SVOP: variants seen among roughly 807,000 people sequenced by gnomAD.
The protein encoded by SVOP is SV2 related protein.
Under a neutral mutation model 69.1 loss-of-function variants are expected in SVOP, and 17 were observed. The observed-to-expected ratio is 0.25, with a 90% CI of 0.17 to 0.37. The LOEUF (loss-of-function observed/expected upper bound fraction) is 0.37, where lower values mean the gene tolerates loss of function less well. Ranked by LOEUF, SVOP falls within the 10% of genes least tolerant of loss-of-function variation. SVOP has a pLI of 1.00. For synonymous variants in SVOP, 238 were observed against 238.6 expected, an observed-to-expected ratio of 1.00 and a Z score of 0.02; for missense variants, 435 against 597.5, an observed-to-expected ratio of 0.73 and a Z score of 2.84.
At chr12:108,926,165 C>T (rs938508927) in intron 11 of SVOP, among the ~76,000 whole-genome samples, 1 of 152,182 alleles carries the variant, frequency 6.6e-6, no homozygotes, top group African/African-American at 2.4e-5. Flanking sequence ...AAGCAATCCT[C>T]CCTCCTCGCC....
intron 1 of SVOP, among the ~76,000 whole-genome samples, chr12:108,995,481 G>T (rs1222408278): frequency 6.6e-6 from 1 of 152,166 alleles, no homozygotes; most frequent in African/African-American, 2.4e-5. Flanking sequence ...GCAGGATAGT[G>T]GTTACCAGGG....
At chr12:108,946,932 C>T (rs1455099702) in intron 6 of SVOP, among the ~76,000 whole-genome samples, 1 of 151,890 alleles carries the variant, frequency 6.6e-6, no homozygotes, top group African/African-American at 2.4e-5. Context: ...GTTGCCCAGG[C>T]TGGTCTCAAA....
chr12:108,964,147 G>A (rs577352644), intron 5 of SVOP, among the ~76,000 whole-genome samples: 3 of 152,124 alleles, frequency 2.0e-5, no homozygotes, highest in Non-Finnish European at 2.9e-5. Flanking sequence ...TTGAGGCTGG[G>A]AGTTTGAGAC....
chr12:108,964,020 G>A (rs1042156341), intron 5 of SVOP, among the ~76,000 whole-genome samples: 1 of 152,068 alleles, frequency 6.6e-6, no homozygotes. Flanking sequence ...TTAGCCCCAT[G>A]TTACAAGTGA....
At chr12:108,917,996 C>T in intron 14 of SVOP, 47 bp downstream of exon 14, 1 of 1,457,370 alleles carries the variant, frequency 6.9e-7, no homozygotes, top group Non-Finnish European at 9.3e-7. Context: ...CACAGCCACT[C>T]TCCCCCCACT....
intron 8 of SVOP, among the ~76,000 whole-genome samples, chr12:108,940,156 G>A (rs1385311445): frequency 2.0e-5 from 3 of 152,192 alleles, no homozygotes; most frequent in African/African-American, 7.2e-5. Flanking sequence ...GGAGCACAGA[G>A]CCTGCCACAC....
chr12:108,917,280 A>T (rs992877257), intron 14 of SVOP, among the ~76,000 whole-genome samples: 1 of 152,250 alleles, frequency 6.6e-6, no homozygotes, highest in Non-Finnish European at 1.5e-5. Flanking sequence ...TTGCACATAT[A>T]TCTTCATTCA....
At chr12:109,014,498 A>G (rs2040358191) in intron 1 of SVOP, among the ~76,000 whole-genome samples, 1 of 152,224 alleles carries the variant, frequency 6.6e-6, no homozygotes, top group South Asian at 2.1e-4. Context: ...GCTGCTGTGA[A>G]CATAGAAGTA....
chr12:109,000,122 A>G (rs1380732259), intron 1 of SVOP, among the ~76,000 whole-genome samples: 1 of 152,216 alleles, frequency 6.6e-6, no homozygotes, highest in Non-Finnish European at 1.5e-5. Context: ...AAAATGATAA[A>G]GGGGATATCA....
intron 6 of SVOP, among the ~76,000 whole-genome samples, chr12:108,951,784 T>C (rs1287614021): frequency 2.6e-5 from 4 of 152,232 alleles, no homozygotes; most frequent in African/African-American, 7.2e-5. Context: ...CACCTGGATT[T>C]GAACCCAGTT....
At chr12:109,007,834 T>C (rs1390514684) in intron 1 of SVOP, among the ~76,000 whole-genome samples, 1 of 152,130 alleles carries the variant, frequency 6.6e-6, no homozygotes, top group African/African-American at 2.4e-5. Context: ...GCCCAGGAGT[T>C]CGAGACCAAC....
At chr12:108,992,128 A>G (rs1334358207) in intron 1 of SVOP, among the ~76,000 whole-genome samples, 1 of 152,046 alleles carries the variant, frequency 6.6e-6, no homozygotes, top group African/African-American at 2.4e-5. Flanking sequence ...TACTCCCACG[A>G]TGGCTTGTTT....
chr12:109,006,165 G>A (rs953730455), intron 1 of SVOP, among the ~76,000 whole-genome samples: 3 of 152,082 alleles, frequency 2.0e-5, no homozygotes, highest in Non-Finnish European at 4.4e-5. Context: ...CGATTCTCCT[G>A]CCTCAACCTC....
At chr12:108,956,301 C>A (rs868188240) in intron 6 of SVOP, among the ~76,000 whole-genome samples, 62 of 138,078 alleles carry the variant, frequency 4.5e-4, no homozygotes, top group Middle Eastern at 3.7e-3. Context: ...GATTCCGTCT[C>A]AAAAAAAAAA....
chr12:109,017,745 T>C (rs1171903791), intron 1 of SVOP, among the ~76,000 whole-genome samples: 1 of 152,108 alleles, frequency 6.6e-6, no homozygotes, highest in Non-Finnish European at 1.5e-5. Context: ...TGTTTCACCA[T>C]GTTGGTCAGG....
chr12:109,011,144 A>C (rs898161982), intron 1 of SVOP, among the ~76,000 whole-genome samples: 2 of 151,536 alleles, frequency 1.3e-5, no homozygotes, highest in Admixed American at 1.3e-4. Context: ...TGAACTCCTG[A>C]CCTCAAGCGA....
intron 8 of SVOP, among the ~76,000 whole-genome samples, chr12:108,939,303 A>G (rs1360419305): frequency 6.6e-6 from 1 of 152,194 alleles, no homozygotes; most frequent in Non-Finnish European, 1.5e-5. Flanking sequence ...TGCTATTACT[A>G]TTATTTGGGG....
chr12:108,991,048 G>A (rs987933052), intron 1 of SVOP, among the ~76,000 whole-genome samples: 7 of 152,182 alleles, frequency 4.6e-5, no homozygotes, highest in African/African-American at 1.7e-4. Flanking sequence ...ACTGAGCCCC[G>A]AGGAGTCTCC....
chr12:108,936,783 C>T (rs1210238904), intron 10 of SVOP, among the ~76,000 whole-genome samples: 1 of 151,762 alleles, frequency 6.6e-6, no homozygotes, highest in African/African-American at 2.4e-5. Flanking sequence ...AGCCAGCCTT[C>T]TTATCTCTTA....
Sources: gnomAD v4.1 joint callset for allele counts (sites outside exome capture counted in the v4.1 genomes callset) on GRCh38, gnomAD v4.1.1 for gene constraint, MANE v1.5 for transcripts, NCBI Gene and HGNC (gene_info 2026-07-23, HGNC 2026-07-21) for gene names.